Variants in RBFOX1 observed in about 807,000 individuals in gnomAD.
RBFOX1 encodes the protein RNA binding fox-1 homolog 1, also known as RNA binding protein fox-1 homolog 1.
In RBFOX1, 8 loss-of-function variants were observed where a neutral mutation model predicts 57.7. That is an observed-to-expected ratio of 0.14 (90% CI 0.08 to 0.25). The LOEUF is 0.25. Among genes scored for constraint, RBFOX1 ranks in the 10% least tolerant of loss-of-function variants. The probability of loss-of-function intolerance (pLI) is 1.00; values close to 1 mark genes in which losing one functional copy is unlikely to be tolerated. For synonymous variants in RBFOX1, 326 were observed against 222.4 expected, an observed-to-expected ratio of 1.47 and a Z score of -4.15; for missense variants, 611 against 548.5, an observed-to-expected ratio of 1.11 and a Z score of -1.14.
chr16:6,044,958 C>G (rs542158118), intron 1 of RBFOX1, among the ~76,000 whole-genome samples: 8 of 152,308 alleles, frequency 5.3e-5, no homozygotes, highest in Non-Finnish European at 7.4e-5. Context: ...GTCAGTGGCT[C>G]TCACTATTGA....
intron 4 of RBFOX1, among the ~76,000 whole-genome samples, chr16:7,387,843 A>C (rs1168740767): frequency 6.6e-6 from 1 of 151,830 alleles, no homozygotes; most frequent in African/African-American, 2.4e-5. Flanking sequence ...ACGTCTCTGG[A>C]ATTCTTTGAT....
intron 2 of RBFOX1, among the ~76,000 whole-genome samples, chr16:5,501,647 G>A (rs1325910211): frequency 6.6e-6 from 1 of 152,194 alleles, no homozygotes. Context: ...TAAATGAGAT[G>A]ATGCCGTCAA....
At chr16:6,424,361 T>C (rs1157611535) in intron 2 of RBFOX1, among the ~76,000 whole-genome samples, 2 of 152,210 alleles carry the variant, frequency 1.3e-5, no homozygotes, top group African/African-American at 4.8e-5. Flanking sequence ...ATTGAGATTA[T>C]GTCTCATTCC....
At chr16:7,368,476 T>C (rs539087742) in intron 4 of RBFOX1, among the ~76,000 whole-genome samples, 1 of 151,874 alleles carries the variant, frequency 6.6e-6, no homozygotes, top group Non-Finnish European at 1.5e-5. Flanking sequence ...TTAGTCTTAA[T>C]TCACTTTAAA....
rs1175110609 is a variant in RBFOX1, at chr16:7,559,383, G to C, written c.271-20394G>C. 2.6e-5 allele frequency among the ~76,000 whole-genome samples: 4 copies of C among 152,048 alleles called. No individual in the cohort carries two copies. In the East Asian group the frequency reaches 5.8e-4, roughly 22 times the overall value. On this transcript the variant is annotated intron_variant, in intron 5 of 15. Transcript: ENST00000550418. Reference sequence around the variant, plus strand: ...CCTTTATATATTCTCATAGAAACTAGGGCACATCTGAGATCCATAAGGAAG... The same window carrying C: ...CCTTTATATATTCTCATAGAAACTACGGCACATCTGAGATCCATAAGGAAG...
At chr16:7,036,985 C>A (rs977300509) in intron 3 of RBFOX1, among the ~76,000 whole-genome samples, 21 of 152,218 alleles carry the variant, frequency 1.4e-4, no homozygotes, top group African/African-American at 4.8e-4. Context: ...GGGTAACTTC[C>A]TGACGTTGCC....
intron 1 of RBFOX1, among the ~76,000 whole-genome samples, chr16:6,071,866 C>G (rs1011995095): frequency 6.6e-6 from 1 of 152,176 alleles, no homozygotes; most frequent in Non-Finnish European, 1.5e-5. Context: ...GCTTATTTCA[C>G]TAGAATAATG....
chr16:6,175,548 G>A (rs920001264), intron 1 of RBFOX1, among the ~76,000 whole-genome samples: 13 of 152,298 alleles, frequency 8.5e-5, no homozygotes, highest in African/African-American at 3.1e-4. Context: ...GGTTGTAATG[G>A]TTGCGCTTTT....
chr16:5,750,243 G>T (rs564307528), intron 3 of RBFOX1, among the ~76,000 whole-genome samples: 1 of 152,266 alleles, frequency 6.6e-6, no homozygotes, highest in East Asian at 1.9e-4. Flanking sequence ...TCTCAGAGGG[G>T]CACCCGACTG....
chr16:6,935,592 C>G (rs1047729094), intron 3 of RBFOX1, among the ~76,000 whole-genome samples: 1 of 152,164 alleles, frequency 6.6e-6, no homozygotes, highest in Non-Finnish European at 1.5e-5. Context: ...AAATCTGTGA[C>G]CTATCCCCAT....
chr16:6,483,890 G>A, intron 2 of RBFOX1: 1 of 1,156,344 alleles, frequency 8.6e-7, no homozygotes, highest in Non-Finnish European at 1.1e-6. Context: ...ATGAGGCTGC[G>A]TTTGCAGCGC....
At chr16:6,651,845 C>G (rs186370025) in intron 2 of RBFOX1, among the ~76,000 whole-genome samples, 141 of 152,268 alleles carry the variant, frequency 9.3e-4, no homozygotes, top group Non-Finnish European at 1.2e-3. Context: ...AATGGATAAA[C>G]CAAATGTGGT....
chr16:5,316,430 G>C (rs1239638153), intron 1 of RBFOX1, among the ~76,000 whole-genome samples: 1 of 152,144 alleles, frequency 6.6e-6, no homozygotes, highest in Non-Finnish European at 1.5e-5. Flanking sequence ...GGTGGAGATG[G>C]TTGGCGTGGA....
rs35889519 is a variant in RBFOX1, at chr16:6,991,136, C to CAAAAAAAA, written c.-15-60902_-15-60895dup. 1.1e-4 allele frequency among the ~76,000 whole-genome samples: 6 copies of CAAAAAAAA among 53,068 alleles called. 1 individual carries two copies. Among genetic ancestry groups the CAAAAAAAA allele is most frequent in the African/African-American group, 1.4e-4 (2 of 14,488 alleles). 34.8% of individuals were successfully genotyped at this position (53,068 alleles called of 152,430 possible). ...AGGCAACGTAATAAAATTGTCTCTC[C>CAAAAAAAA]AAAAAAAAAAAAAAAAAAAAAAAAA... is the stretch of plus-strand genomic sequence containing the variant. On this transcript the variant is annotated intron_variant, in intron 3 of 15. Transcript: ENST00000550418.
intron 3 of RBFOX1, among the ~76,000 whole-genome samples, chr16:6,856,588 C>A (rs184344916): frequency 6.6e-6 from 1 of 152,156 alleles, no homozygotes; most frequent in African/African-American, 2.4e-5. Flanking sequence ...TCTGTCCCTT[C>A]AGGCCACCGT....
chr16:6,680,009 C>G (rs1266127256), intron 3 of RBFOX1, among the ~76,000 whole-genome samples: 2 of 149,232 alleles, frequency 1.3e-5, no homozygotes, highest in Non-Finnish European at 1.5e-5. Context: ...AATTTATACT[C>G]CCAAATATGA....
At chr16:7,568,267 TAAAC>T (rs1408013292) in intron 5 of RBFOX1, among the ~76,000 whole-genome samples, 1 of 152,174 alleles carries the variant, frequency 6.6e-6, no homozygotes, top group Admixed American at 6.5e-5. Context: ...GATTATGTAT[TAAAC>T]AAGGGGTGGA....
chr16:6,985,694 C>A (rs1285487725), intron 3 of RBFOX1, among the ~76,000 whole-genome samples: 1 of 152,102 alleles, frequency 6.6e-6, no homozygotes, highest in East Asian at 1.9e-4. Context: ...ATTAGCCAGG[C>A]ATGGTGTCAG....
At chr16:7,118,925 A>C (rs1236999479) in intron 4 of RBFOX1, among the ~76,000 whole-genome samples, 1 of 152,274 alleles carries the variant, frequency 6.6e-6, no homozygotes, top group East Asian at 1.9e-4. Context: ...TATGATTTTT[A>C]GGAACATGTG....
Sources: allele counts gnomAD v4.1 joint callset (sites outside exome capture counted in the v4.1 genomes callset), GRCh38; gene constraint gnomAD v4.1.1; transcripts MANE v1.5; gene names NCBI Gene and HGNC (gene_info 2026-07-23, HGNC 2026-07-21).